The following SYCE1 variants were observed in gnomAD, a reference collection of about 807,000 sequenced individuals.
SYCE1 encodes the protein synaptonemal complex central element protein 1.
SYCE1 carries 37 observed loss-of-function variants against 55.1 expected under a neutral mutation model. The ratio of observed to expected loss-of-function variants is 0.67; its 90% CI spans 0.52 to 0.88. The LOEUF (loss-of-function observed/expected upper bound fraction) is 0.88, where lower values mean the gene tolerates loss of function less well. Among genes scored for constraint, SYCE1 ranks in the 40% least tolerant of loss-of-function variants. The pLI, the probability that SYCE1 is intolerant of heterozygous loss-of-function variation, is 0.00. For missense variants in SYCE1, 399 were observed against 416.4 expected, an observed-to-expected ratio of 0.96 and a Z score of 0.36; for synonymous variants, 163 against 159.4, an observed-to-expected ratio of 1.02 and a Z score of -0.17.
At chr10:133,558,719 T>G in intron 4 of SYCE1, 158 bp downstream of exon 4, 1 of 723,282 alleles carries the variant, frequency 1.4e-6, no homozygotes, top group Non-Finnish European at 2.3e-6. Context: ...TCCTGAACAC[T>G]CCCACAAGCA....
Position 133,555,837 on chromosome 10 carries a change from C to A in SYCE1, c.662G>T (p.Gly221Val), listed in dbSNP as rs1356107135. 1 of 1,613,910 alleles carries A rather than the reference C, an allele frequency of 6.2e-7. No individual in the cohort carries two copies. The highest frequency in any genetic ancestry group is 8.5e-7 in the Non-Finnish European group (1 of 1,180,010). Residue 221 changes from glycine (G) to valine (V), a missense_variant, in exon 10 of 13, where the codon GGC becomes GTC. Gly to Val is a moderately radical substitution (Grantham distance 109). Transcript: ENST00000343131. ...HQLCSLCGAE[G>V]PSTLDEGLFL... ...GAGTCCCTCATCAAGGGTGGAGGGG[C>A]CCTCAGCCCCACACAGGGAGCACAG... is the stretch of plus-strand genomic sequence containing the variant.
chr10:133,566,827 A>C (rs61868687), upstream of SYCE1, among the ~76,000 whole-genome samples: 6 of 114,678 alleles, frequency 5.2e-5, no homozygotes, highest in African/African-American at 1.8e-4. Flanking sequence ...AGTTGGGTTA[A>C]GGGTTAGGGG....
intron 6 of SYCE1, 27 bp downstream of exon 6, chr10:133,557,837 G>C (rs1439315871): frequency 6.2e-7 from 1 of 1,613,496 alleles, no homozygotes; most frequent in African/African-American, 1.3e-5. Context: ...AGGTAGTGCA[G>C]AGTTAGGCTC....
Position 133,555,445 on chromosome 10 carries a change from A to G in SYCE1, c.831-7T>C. The G allele has an allele frequency of 6.2e-7, 1 of 1,613,858 alleles. No individual in the cohort carries two copies. Among genetic ancestry groups the G allele is most frequent in the East Asian group, 2.2e-5 (1 of 44,882 alleles). ...TTCCAGCTCTTCCTTCAGCCTGGAC[A>G]GGAAGAGGTAGGATGGGGGAAGGAA... On this transcript the variant is annotated splice_region_variant and splice_polypyrimidine_tract_variant and intron_variant, in intron 11 of 12. Coordinates refer to ENST00000343131, the MANE Select transcript of SYCE1 (RefSeq NM_001143764.3).
chr10:133,557,017 A>T (rs1851700532), intron 7 of SYCE1, 50 bp downstream of exon 7: 1 of 1,568,532 alleles, frequency 6.4e-7, no homozygotes, highest in African/African-American at 1.4e-5. Flanking sequence ...TTGACATTAT[A>T]TCCCAACTAC....
chr10:133,561,172 A>C (rs1851807400), intron 1 of SYCE1: 1 of 152,196 alleles, frequency 6.6e-6, no homozygotes, highest in South Asian at 2.1e-4. Context: ...GCCGTGTCAC[A>C]GGCATGCATC....
chr10:133,553,936 C>G (rs139595636), downstream of SYCE1: 544 of 178,874 alleles, frequency 3.0e-3, 1 homozygote, highest in Non-Finnish European at 3.7e-3. Context: ...CTTTTTTTTT[C>G]ACATGAATAG....
chr10:133,556,965 A>G, intron 7 of SYCE1, 102 bp downstream of exon 7: 1 of 1,485,140 alleles, frequency 6.7e-7, no homozygotes, highest in African/African-American at 1.4e-5. Context: ...ACCACCTTGA[A>G]TCTCCATGGC....
intron 1 of SYCE1, among the ~76,000 whole-genome samples, chr10:133,561,962 T>C (rs1173160381): frequency 1.3e-5 from 2 of 152,076 alleles, no homozygotes; most frequent in Non-Finnish European, 2.9e-5. Flanking sequence ...GGGAAGATTT[T>C]TGATTTTGAC....
intron 7 of SYCE1, 49 bp downstream of exon 7, chr10:133,557,018 T>A (rs1184746577): frequency 6.4e-7 from 1 of 1,570,164 alleles, no homozygotes; most frequent in South Asian, 1.1e-5. Flanking sequence ...TGACATTATA[T>A]CCCAACTACT....
upstream of SYCE1, among the ~76,000 whole-genome samples, chr10:133,566,124 C>A (rs938468498): frequency 6.6e-6 from 1 of 152,220 alleles, no homozygotes; most frequent in Admixed American, 6.5e-5. Context: ...CGGCCACAAG[C>A]CCACGGTCCC....
intron 4 of SYCE1, chr10:133,558,468 A>C: frequency 1.7e-6 from 1 of 572,462 alleles, no homozygotes; most frequent in Non-Finnish European, 3.1e-6. Context: ...GAGAAAAAAT[A>C]CCAACACCCA....
intron 8 of SYCE1, chr10:133,556,501 T>C (rs12257368): frequency 0.078 from 43,548 of 560,560 alleles, 2,009 homozygotes; most frequent in East Asian, 0.17. Flanking sequence ...TTGTCTCCTT[T>C]GTGCCCGTGA....
At chr10:133,564,888 C>G (rs1028568757) in intron 1 of SYCE1, among the ~76,000 whole-genome samples, 7 of 152,220 alleles carry the variant, frequency 4.6e-5, no homozygotes, top group Non-Finnish European at 5.9e-5. Context: ...TTCTGGACTT[C>G]TGTACAACTC....
upstream of SYCE1, among the ~76,000 whole-genome samples, chr10:133,567,309 GGGTTAA>G (rs968094959): frequency 1.3e-5 from 2 of 151,678 alleles, no homozygotes; most frequent in African/African-American, 4.9e-5. Flanking sequence ...TTAGCAGTTA[GGGTTAA>G]GGTTTAGGCT....
At chr10:133,561,343 T>C (rs10857756) in intron 1 of SYCE1, 14,935 of 152,258 alleles carry the variant, frequency 0.098, 906 homozygotes, top group East Asian at 0.25. Flanking sequence ...ATCTTTATGG[T>C]TCAAACTAAT....
upstream of SYCE1, among the ~76,000 whole-genome samples, chr10:133,567,590 T>A (rs936593616): frequency 1.6e-4 from 24 of 152,056 alleles, no homozygotes; most frequent in Admixed American, 7.2e-4. Context: ...CCCAAATTCT[T>A]AAGTCCTTTG....
intron 2 of SYCE1, 163 bp from the exon 3 acceptor site, chr10:133,559,523 C>T: frequency 1.5e-6 from 1 of 668,082 alleles, no homozygotes; most frequent in Non-Finnish European, 2.7e-6. Context: ...GTGGGCAAGA[C>T]TGGGAACAGA....
At chr10:133,566,479 G>A (rs1188870263), upstream of SYCE1, among the ~76,000 whole-genome samples, 1 of 150,584 alleles carries the variant, frequency 6.6e-6, no homozygotes, top group African/African-American at 2.5e-5. Context: ...GGGGTTAGGA[G>A]TGGGGTTAGA....
Sources: gnomAD v4.1 joint callset for allele counts (sites outside exome capture counted in the v4.1 genomes callset) on GRCh38, gnomAD v4.1.1 for gene constraint, MANE v1.5 for transcripts, NCBI Gene and HGNC (gene_info 2026-07-23, HGNC 2026-07-21) for gene names.